DNAJB6: variants seen among roughly 807,000 people sequenced by gnomAD.
DNAJB6 encodes the protein DnaJ heat shock protein family (Hsp40) member B6.
A neutral mutation model predicts 42.7 loss-of-function variants in DNAJB6; 16 were observed. The ratio of observed to expected loss-of-function variants is 0.37; its 90% confidence interval spans 0.25 to 0.57. The LOEUF (loss-of-function observed/expected upper bound fraction) is 0.57. DNAJB6 is among the 20% of genes least tolerant of loss of function. The pLI is 0.74. For synonymous variants in DNAJB6, 170 were observed against 163.5 expected (o/e 1.04, Z -0.30); for missense variants, 347 against 416.8 (o/e 0.83, Z 1.46).
intron 1 of DNAJB6, among the ~76,000 whole-genome samples, chr7:157,351,453 C>T (rs1798967849): frequency 6.6e-6 from 1 of 151,526 alleles, no homozygotes; most frequent in Non-Finnish European, 1.5e-5. Context: ...CATGGTGAAA[C>T]CCTGTCTCTA....
At chr7:157,382,037 T>G (rs1382699851) in intron 5 of DNAJB6, 2 of 465,152 alleles carry the variant, frequency 4.3e-6, no homozygotes, top group Non-Finnish European at 7.5e-6. Context: ...ATACAATGTA[T>G]TGTAGTTTTA....
chr7:157,402,172 G>T (rs1430020008), intron 8 of DNAJB6, among the ~76,000 whole-genome samples: 3 of 152,230 alleles, frequency 2.0e-5, no homozygotes, highest in African/African-American at 7.2e-5. Flanking sequence ...TGTTGCCCAG[G>T]CTGGTCTCGA....
intron 1 of DNAJB6, among the ~76,000 whole-genome samples, chr7:157,349,248 G>T (rs563745014): frequency 6.8e-4 from 104 of 152,226 alleles, no homozygotes; most frequent in African/African-American, 2.4e-3. Flanking sequence ...TCCAAAGCTA[G>T]CATAGTGTGT....
intron 5 of DNAJB6, among the ~76,000 whole-genome samples, chr7:157,367,963 A>C (rs1799924379): frequency 6.6e-6 from 1 of 151,378 alleles, no homozygotes; most frequent in South Asian, 2.1e-4. Context: ...CAACAACAAC[A>C]AAAAAAATAC....
chr7:157,387,205 TAGG>T (rs146151963), intron 8 of DNAJB6, among the ~76,000 whole-genome samples: 1,679 of 152,254 alleles, frequency 0.011, 29 homozygotes, highest in East Asian at 0.06. Context: ...AGGAATTTCA[TAGG>T]AGCTCAAAAA....
At chr7:157,341,126 T>A (rs935368578) in intron 1 of DNAJB6, among the ~76,000 whole-genome samples, 1 of 151,844 alleles carries the variant, frequency 6.6e-6, no homozygotes, top group Admixed American at 6.6e-5. Context: ...TGGCCAGATT[T>A]TAGATTTTTT....
chr7:157,410,371 G>C, intron 9 of DNAJB6: 1 of 409,720 alleles, frequency 2.4e-6, no homozygotes, highest in Non-Finnish European at 4.3e-6. Flanking sequence ...TCTCGTGCTG[G>C]TGGGGTCTGC....
At chr7:157,397,276 T>C (rs1230553851) in intron 8 of DNAJB6, among the ~76,000 whole-genome samples, 2 of 152,194 alleles carry the variant, frequency 1.3e-5, no homozygotes, top group African/African-American at 4.8e-5. Flanking sequence ...ATTTGGTGTC[T>C]CCTTGAACCT....
At chr7:157,378,341 C>T (rs112019532) in intron 5 of DNAJB6, 30 of 152,246 alleles carry the variant, frequency 2.0e-4, no homozygotes, top group African/African-American at 7.0e-4. Flanking sequence ...TTTATAAATC[C>T]AAAAGTAATA....
chr7:157,390,345 T>C (rs1284769957), intron 8 of DNAJB6, among the ~76,000 whole-genome samples: 1 of 152,256 alleles, frequency 6.6e-6, no homozygotes, highest in Admixed American at 6.5e-5. Flanking sequence ...CTGTGTAGTG[T>C]TGATGCCACA....
intron 3 of DNAJB6, among the ~76,000 whole-genome samples, chr7:157,364,275 ACAC>A (rs1799743789): frequency 6.6e-6 from 1 of 152,122 alleles, no homozygotes; most frequent in Admixed American, 6.6e-5. Context: ...AGCTACCAGC[ACAC>A]CACCAGCCTT....
At chr7:157,388,355 C>G (rs912302940) in intron 8 of DNAJB6, among the ~76,000 whole-genome samples, 79 of 152,304 alleles carry the variant, frequency 5.2e-4, no homozygotes, top group African/African-American at 1.3e-3. Context: ...TACCATCACT[C>G]AAGTAAGTGA....
chr7:157,407,516 T>C (rs1402215189), intron 8 of DNAJB6, among the ~76,000 whole-genome samples: 2 of 152,222 alleles, frequency 1.3e-5, no homozygotes, highest in African/African-American at 4.8e-5. Context: ...AGGAACGGGC[T>C]TAGCACCGGC....
intron 1 of DNAJB6, among the ~76,000 whole-genome samples, chr7:157,341,579 G>A (rs1798383959): frequency 1.3e-5 from 2 of 152,124 alleles, no homozygotes; most frequent in Non-Finnish European, 1.5e-5. Flanking sequence ...TTTGTGTTGT[G>A]CATATATACG....
intron 8 of DNAJB6, among the ~76,000 whole-genome samples, chr7:157,407,383 G>T: frequency 6.6e-6 from 1 of 152,182 alleles, no homozygotes; most frequent in Non-Finnish European, 1.5e-5. Context: ...GGATATTTAG[G>T]GTCCAGTTCA....
At chr7:157,385,326 T>C (rs1401748943) in intron 7 of DNAJB6, among the ~76,000 whole-genome samples, 2 of 152,240 alleles carry the variant, frequency 1.3e-5, no homozygotes, top group African/African-American at 4.8e-5. Flanking sequence ...AGCATCCGCC[T>C]GTACGGTATT....
chr7:157,395,947 ATT>A (rs60935303), intron 8 of DNAJB6, among the ~76,000 whole-genome samples: 70 of 62,850 alleles, frequency 1.1e-3, no homozygotes, highest in Admixed American at 2.3e-3. Flanking sequence ...TGAGCCTGTA[ATT>A]TTTTTTTTTT....
intron 1 of DNAJB6, 81 bp downstream of exon 1, chr7:157,337,225 C>T (rs952314952): frequency 2.6e-5 from 4 of 152,224 alleles, no homozygotes; most frequent in African/African-American, 7.2e-5. Context: ...CACCCGGCGC[C>T]TGGCAACAGC....
At chr7:157,397,077 G>A (rs1366985590) in intron 8 of DNAJB6, among the ~76,000 whole-genome samples, 2 of 152,228 alleles carry the variant, frequency 1.3e-5, no homozygotes, top group Admixed American at 1.3e-4. Context: ...ACGTGTGCAC[G>A]CGGTGTGTGT....
Sources: allele counts gnomAD v4.1 joint callset (sites outside exome capture counted in the v4.1 genomes callset), GRCh38; gene constraint gnomAD v4.1.1; transcripts MANE v1.5; gene names NCBI Gene and HGNC (gene_info 2026-07-23, HGNC 2026-07-21).